The following DOCK1 variants were observed in gnomAD, a reference collection of about 807,000 sequenced individuals.
DOCK1 encodes dedicator of cytokinesis protein 1.
A neutral mutation model predicts 262.7 loss-of-function variants in DOCK1; 138 were observed. That is an observed-to-expected ratio of 0.53 (90% CI 0.46 to 0.61). DOCK1 has a LOEUF of 0.61. DOCK1 is among the 20% of genes least tolerant of loss of function. The pLI is 0.00. For synonymous variants in DOCK1, 866 were observed against 867.4 expected, an observed-to-expected ratio of 1.00 and a Z score of 0.03; for missense variants, 1,908 against 2,370.7, an observed-to-expected ratio of 0.80 and a Z score of 4.05.
intron 29 of DOCK1, among the ~76,000 whole-genome samples, chr10:127,309,727 A>T (rs1197677509): frequency 6.6e-6 from 1 of 152,108 alleles, no homozygotes; most frequent in African/African-American, 2.4e-5. Flanking sequence ...CTTGTTGAAG[A>T]TCCCTCTGAT....
intron 29 of DOCK1, among the ~76,000 whole-genome samples, chr10:127,281,034 A>G (rs1317955695): frequency 1.3e-5 from 2 of 152,188 alleles, no homozygotes; most frequent in African/African-American, 4.8e-5. Flanking sequence ...TTTAGCAAGT[A>G]TTTGTTTTAA....
Position 127,261,847 on chromosome 10 carries a change from T to C in DOCK1, c.3044+4418T>C, listed in dbSNP as rs1367529563. Among the ~76,000 whole-genome samples, 5 of 136,028 alleles carry C rather than the reference T, an allele frequency of 3.7e-5. No individual in the cohort carries two copies. The East Asian group carries it at 1.2e-3, about 32-fold the overall frequency. The allele number at this position is 136,028 out of a possible 152,430, so 89.2% of individuals were successfully genotyped here. A position where few individuals can be genotyped will look rare whatever the true frequency, so the allele number is the denominator to read the frequency against. The stretch of plus-strand genomic sequence containing the variant: ...CATTGTGTGCATGTGGGTGTGCGTG[T>C]GTGTACCTGCATGTGGGTGTGCGTG... On this transcript the variant is annotated intron_variant, in intron 29 of 51. Transcript: ENST00000623213.
chr10:127,270,313 C>T (rs973339391), intron 29 of DOCK1, among the ~76,000 whole-genome samples: 4 of 152,334 alleles, frequency 2.6e-5, no homozygotes, highest in East Asian at 1.9e-4. Flanking sequence ...TGTAACTCAG[C>T]GAGAATTCCT....
Position 127,043,084 on chromosome 10 carries a change from TG to T in DOCK1, c.2122del (p.Ala708LeufsTer24). 6.2e-7 allele frequency: 1 copy of T among 1,609,150 alleles called. No homozygotes were observed. The highest frequency in any genetic ancestry group is 8.5e-7 in the Non-Finnish European group (1 of 1,177,364). On this transcript the variant is annotated frameshift_variant, in exon 21 of 52. Transcript: ENST00000623213. LOFTEE classifies it high-confidence loss of function. ...DALVFIIGLI[A>X]DRKFQHFNPV... is the part of the protein sequence containing the mutation. ...GACAGGTATTTATCATTGGACTGAT[TG>T]CTGATAGAAAATTTCAGCATTTTAA...
chr10:127,028,501 A>T (rs892211743), intron 16 of DOCK1, among the ~76,000 whole-genome samples: 2 of 152,206 alleles, frequency 1.3e-5, no homozygotes, highest in Non-Finnish European at 2.9e-5. Context: ...TGGAAACCCC[A>T]GGTCAGGGGC....
intron 27 of DOCK1, among the ~76,000 whole-genome samples, chr10:127,167,479 T>C (rs2054178680): frequency 2.0e-5 from 3 of 152,170 alleles, no homozygotes; most frequent in African/African-American, 7.2e-5. Context: ...CACACTTTTA[T>C]TGATGGAGAT....
intron 1 of DOCK1, among the ~76,000 whole-genome samples, chr10:126,967,663 G>A (rs2037772976): frequency 6.6e-6 from 1 of 152,072 alleles, no homozygotes; most frequent in African/African-American, 2.4e-5. Context: ...AGGCCACTGT[G>A]TTCCTCGGCT....
intron 27 of DOCK1, among the ~76,000 whole-genome samples, chr10:127,240,576 G>C (rs890791772): frequency 2.6e-5 from 4 of 151,972 alleles, no homozygotes; most frequent in African/African-American, 9.7e-5. Context: ...TTAATAAAAC[G>C]TGACATACTT....
chr10:127,143,585 G>T (rs555720424), intron 27 of DOCK1, among the ~76,000 whole-genome samples: 34 of 152,304 alleles, frequency 2.2e-4, no homozygotes, highest in African/African-American at 7.5e-4. Flanking sequence ...GTAGCTTTGG[G>T]TAGGACCAGC....
chr10:127,023,437 T>C, intron 14 of DOCK1, 113 bp downstream of exon 14: 3 of 1,414,440 alleles, frequency 2.1e-6, no homozygotes, highest in Non-Finnish European at 2.9e-6. Context: ...GAGTCCCGTT[T>C]CTTGGGATTG....
intron 1 of DOCK1, among the ~76,000 whole-genome samples, chr10:126,949,098 G>T (rs1380366853): frequency 6.6e-6 from 1 of 152,094 alleles, no homozygotes; most frequent in Non-Finnish European, 1.5e-5. Context: ...CTGCTGGGGG[G>T]AGGTGCATCC....
chr10:127,286,961 C>T lies in DOCK1; in HGVS notation c.3044+29532C>T, dbSNP rs184542103. Among the ~76,000 whole-genome samples, 485 of 151,380 alleles carry T rather than the reference C, an allele frequency of 3.2e-3. 1 individual carries two copies. Among genetic ancestry groups the T allele is most frequent in the Middle Eastern group, 0.01 (3 of 292 alleles). ...CACAATCTCGGCTCACTGCAAGTTC[C>T]ACCTCCTGGGTTCATGCCGTTCTCC... On this transcript the variant is annotated intron_variant, in intron 29 of 51. Transcript: ENST00000623213.
intron 38 of DOCK1, 141 bp downstream of exon 38, chr10:127,385,050 TC>T: frequency 9.1e-7 from 1 of 1,096,808 alleles, no homozygotes; most frequent in East Asian, 3.1e-5. Context: ...TTATGCATGT[TC>T]CTTCAGCTTG....
At chr10:127,338,635 A>C (rs1034653286) in intron 29 of DOCK1, among the ~76,000 whole-genome samples, 1 of 152,258 alleles carries the variant, frequency 6.6e-6, no homozygotes, top group African/African-American at 2.4e-5. Context: ...TGAAAAAGCC[A>C]GCTAAGCAAA....
At chr10:127,178,795 AG>A (rs2055434465) in intron 27 of DOCK1, among the ~76,000 whole-genome samples, 1 of 152,204 alleles carries the variant, frequency 6.6e-6, no homozygotes, top group Non-Finnish European at 1.5e-5. Flanking sequence ...GATAGGTGGA[AG>A]GAGGGACAAG....
intron 21 of DOCK1, among the ~76,000 whole-genome samples, chr10:127,050,863 A>T (rs2135723359): frequency 6.6e-6 from 1 of 152,292 alleles, no homozygotes; most frequent in South Asian, 2.1e-4. Context: ...AGCTTCTCAC[A>T]TTCCCTAAAA....
At chr10:127,004,094 G>T (rs1357253747) in intron 10 of DOCK1, among the ~76,000 whole-genome samples, 1 of 151,484 alleles carries the variant, frequency 6.6e-6, no homozygotes. Flanking sequence ...CTCTACTAAA[G>T]ATACAAAAAA....
intron 27 of DOCK1, among the ~76,000 whole-genome samples, chr10:127,233,723 A>G (rs1384696134): frequency 2.0e-5 from 3 of 152,238 alleles, no homozygotes; most frequent in Non-Finnish European, 4.4e-5. Context: ...CGAACGGATA[A>G]ATACTGTGGC....
At chr10:127,207,206 A>G (rs530273313) in intron 27 of DOCK1, among the ~76,000 whole-genome samples, 1 of 152,344 alleles carries the variant, frequency 6.6e-6, no homozygotes, top group East Asian at 1.9e-4. Flanking sequence ...CTAGAGCTTT[A>G]TGAGAATTAA....
Sources: gnomAD v4.1 joint callset for allele counts (sites outside exome capture counted in the v4.1 genomes callset) on GRCh38, gnomAD v4.1.1 for gene constraint, MANE v1.5 for transcripts, NCBI Gene and HGNC (gene_info 2026-07-23, HGNC 2026-07-21) for gene names.